The following TNRC6A variants were observed in gnomAD, a reference collection of about 807,000 sequenced individuals.
The protein encoded by TNRC6A is trinucleotide repeat-containing gene 6A protein.
In TNRC6A, 44 loss-of-function variants were observed where a neutral mutation model predicts 221.2. The observed-to-expected ratio is 0.20, with a 90% CI of 0.16 to 0.26. The LOEUF (loss-of-function observed/expected upper bound fraction) is 0.26, where lower values mean the gene tolerates loss of function less well. TNRC6A is among the 10% of genes least tolerant of loss of function. The pLI is 1.00. For synonymous variants in TNRC6A, 847 were observed against 838.5 expected (o/e 1.01, Z -0.18); for missense variants, 2,199 against 2,404.4 (o/e 0.91, Z 1.79).
intron 2 of TNRC6A, chr16:24,663,782 C>T (rs532261944): frequency 3.5e-5 from 13 of 376,170 alleles, no homozygotes; most frequent in South Asian, 2.3e-4. Flanking sequence ...GTGTCCAGCC[C>T]CTCCAGAGGT....
chr16:24,742,899 C>T (rs1215215715), intron 2 of TNRC6A, among the ~76,000 whole-genome samples: 1 of 152,102 alleles, frequency 6.6e-6, no homozygotes, highest in Non-Finnish European at 1.5e-5. Flanking sequence ...CCATTGCACT[C>T]CAGCCTGGGT....
chr16:24,676,783 A>T (rs1322950568), intron 2 of TNRC6A, among the ~76,000 whole-genome samples: 2 of 151,716 alleles, frequency 1.3e-5, no homozygotes, highest in African/African-American at 4.8e-5. Flanking sequence ...ACTGCATTTG[A>T]TCACTCTCCT....
At chr16:24,748,382 C>T (rs1477434483) in intron 2 of TNRC6A, among the ~76,000 whole-genome samples, 1 of 152,068 alleles carries the variant, frequency 6.6e-6, no homozygotes, top group Non-Finnish European at 1.5e-5. Context: ...CTTGACTTCC[C>T]TGGGATTGTA....
At chr16:24,633,163 C>T (rs1317253428) in intron 1 of TNRC6A, among the ~76,000 whole-genome samples, 1 of 152,136 alleles carries the variant, frequency 6.6e-6, no homozygotes, top group Non-Finnish European at 1.5e-5. Context: ...CTTGCTCTGG[C>T]CTCAGAGCCT....
intron 2 of TNRC6A, among the ~76,000 whole-genome samples, chr16:24,683,013 G>A (rs2055562377): frequency 6.6e-6 from 1 of 152,040 alleles, no homozygotes; most frequent in Non-Finnish European, 1.5e-5. Flanking sequence ...CTTGTCCAAG[G>A]TCACCAGCTA....
At chr16:24,777,454 T>A in intron 5 of TNRC6A, 96 bp downstream of exon 5, 4 of 1,225,274 alleles carry the variant, frequency 3.3e-6, no homozygotes, top group Non-Finnish European at 4.6e-6. Flanking sequence ...GTATTTGTAT[T>A]CATCAGTATG....
intron 4 of TNRC6A, among the ~76,000 whole-genome samples, chr16:24,761,638 T>C (rs949995399): frequency 6.6e-6 from 1 of 152,104 alleles, no homozygotes; most frequent in South Asian, 2.1e-4. Flanking sequence ...CTTGAACTTT[T>C]GGGCTCAAGC....
chr16:24,783,180 G>T (rs891376445), intron 5 of TNRC6A, among the ~76,000 whole-genome samples: 2 of 151,836 alleles, frequency 1.3e-5, no homozygotes, highest in Non-Finnish European at 2.9e-5. Flanking sequence ...CCAGGTTGGA[G>T]TGCAGTGGTG....
At chr16:24,651,685 ACCC>A (rs1329266505) in intron 2 of TNRC6A, among the ~76,000 whole-genome samples, 15 of 147,726 alleles carry the variant, frequency 1.0e-4, no homozygotes, top group South Asian at 4.4e-4. Flanking sequence ...ATAGTGAGAC[ACCC>A]CCTCCCCCCG....
chr16:24,776,561 T>C (rs1302257938), intron 4 of TNRC6A: 1 of 985,356 alleles, frequency 1.0e-6, no homozygotes, highest in Non-Finnish European at 1.2e-6. Flanking sequence ...AGGATTCCCT[T>C]AGGACTACTG....
intron 2 of TNRC6A, among the ~76,000 whole-genome samples, chr16:24,642,220 G>T (rs1050709672): frequency 6.6e-5 from 10 of 152,208 alleles, no homozygotes; most frequent in Admixed American, 2.0e-4. Flanking sequence ...ATCTGGAACA[G>T]TTAAGCAGGT....
At chr16:24,820,065 G>A in intron 21 of TNRC6A, 74 bp from the exon 22 acceptor site, 3 of 1,373,774 alleles carry the variant, frequency 2.2e-6, no homozygotes, top group Non-Finnish European at 3.1e-6. Context: ...GTGGGAGAAT[G>A]GATGTCATTA....
chr16:24,622,752 A>T (rs1259842250), intron 1 of TNRC6A, among the ~76,000 whole-genome samples: 1 of 152,240 alleles, frequency 6.6e-6, no homozygotes, highest in Non-Finnish European at 1.5e-5. Flanking sequence ...AAACCTGGTG[A>T]CAGGGTTGTA....
In TNRC6A at chr16:24,791,469, T is replaced by C; in HGVS notation, c.2827T>C (p.Ser943Pro). Residue 943 changes from serine (S) to proline (P), a missense_variant, in exon 6 of 25, where the codon TCT becomes CCT. Ser to Pro is a moderately conservative substitution (Grantham distance 74, BLOSUM62 -1). Transcript: ENST00000395799. ...GWGDSSKPVS[S>P]PDWNKQQDIV... ...GGGAGATTCGTCAAAGCCAGTCAGC[T>C]CTCCAGACTGGAACAAGCAACAAGA... 2 of 1,529,584 alleles carry C rather than the reference T, an allele frequency of 1.3e-6. No individual in the cohort carries two copies. The highest frequency in any genetic ancestry group is 1.8e-6 in the Non-Finnish European group (2 of 1,142,024). The allele number at this position is 1,529,584 out of a possible 1,614,324, so 94.8% of individuals were successfully genotyped here. A position where few individuals can be genotyped will look rare whatever the true frequency, so the allele number is the denominator to read the frequency against.
chr16:24,667,658 A>C (rs2055200357), intron 2 of TNRC6A, among the ~76,000 whole-genome samples: 1 of 152,180 alleles, frequency 6.6e-6, no homozygotes. Context: ...CCTACCCCCC[A>C]GTTGTTATGA....
rs764109177 is a variant in TNRC6A at position 24,610,856 on chromosome 16, G to A, written n.276+372G>A. 2.6e-5 allele frequency among the ~76,000 whole-genome samples: 4 copies of A among 151,968 alleles called. 1 individual carries two copies. Among genetic ancestry groups the A allele is most frequent in the Admixed American group, 2.0e-4 (3 of 15,238 alleles). On this transcript the variant is annotated intron_variant and non_coding_transcript_variant, in intron 1 of 2. Coordinates refer to the TNRC6A transcript ENST00000566108. The stretch of plus-strand genomic sequence containing the variant: ...GACAGAATCTCGCTCCGTCGCCCAG[G>A]CTGGAGTGCAGTGGCGCAATCTCGG...
chr16:24,724,497 G>C (rs575783560), intron 2 of TNRC6A, among the ~76,000 whole-genome samples: 4 of 152,156 alleles, frequency 2.6e-5, no homozygotes, highest in Admixed American at 2.0e-4. Context: ...TGTAATCCCA[G>C]CACTTTGGGA....
chr16:24,704,098 AAAAAT>A (rs1218473348), intron 2 of TNRC6A, among the ~76,000 whole-genome samples: 3 of 151,236 alleles, frequency 2.0e-5, no homozygotes, highest in East Asian at 1.9e-4. Context: ...AAAAAAAAAA[AAAAAT>A]TTTTTTTTGG....
intron 2 of TNRC6A, among the ~76,000 whole-genome samples, chr16:24,742,987 GT>G (rs753659771): frequency 2.3e-4 from 35 of 152,124 alleles, no homozygotes; most frequent in Non-Finnish European, 3.7e-4. Flanking sequence ...CAAGGATGAG[GT>G]TTGTTTGGAT....
Sources: allele counts gnomAD v4.1 joint callset (sites outside exome capture counted in the v4.1 genomes callset), GRCh38; gene constraint gnomAD v4.1.1; transcripts MANE v1.5; gene names NCBI Gene and HGNC (gene_info 2026-07-23, HGNC 2026-07-21).